Variants in HSPA4L observed in about 807,000 individuals in gnomAD.
HSPA4L encodes the protein heat shock 70 kDa protein 4L.
HSPA4L carries 48 observed loss-of-function variants against 100.3 expected under a neutral mutation model. That is an observed-to-expected ratio of 0.48 (90% CI 0.38 to 0.61). HSPA4L has a LOEUF of 0.61. Among genes scored for constraint, HSPA4L ranks in the 20% least tolerant of loss-of-function variants. The pLI, the probability that HSPA4L is intolerant of heterozygous loss-of-function variation, is 0.00. For synonymous variants in HSPA4L, 319 were observed against 328.2 expected (o/e 0.97, Z 0.30); for missense variants, 886 against 988.6 (o/e 0.90, Z 1.39).
At chr4:127,805,364 C>G in intron 9 of HSPA4L, 140 bp downstream of exon 9, 1 of 635,712 alleles carries the variant, frequency 1.6e-6, no homozygotes, top group Non-Finnish European at 2.6e-6. Flanking sequence ...ATAAATAAGT[C>G]TTATGTCTTT....
Position 127,782,534 on chromosome 4 carries a change from G to A in HSPA4L, c.-17G>A, listed in dbSNP as rs748931588. 6.2e-6 allele frequency: 10 copies of A among 1,606,548 alleles called. 1 individual carries two copies. The South Asian group carries it at 1.1e-4, about 18-fold the overall frequency. On this transcript the variant is annotated 5_prime_UTR_variant, in exon 1 of 19. Coordinates refer to ENST00000296464, the MANE Select transcript of HSPA4L (RefSeq NM_014278.4). ...CCGAAGGGTTCAGTACCAGCAGCCC[G>A]ACCATCACGCGGCGGGATGTCTGTG... is the stretch of plus-strand genomic sequence containing the variant.
At chr4:127,783,827 A>G in intron 1 of HSPA4L, 1 of 671,738 alleles carries the variant, frequency 1.5e-6, no homozygotes, top group Non-Finnish European at 2.4e-6. Context: ...AAGATGTTGA[A>G]GAGTAGCTCA....
chr4:127,836,747 C>G lies in HSPA4L; in HGVS notation c.*3873C>G, dbSNP rs1366686066. 6.6e-6 allele frequency: 1 copy of G among 152,070 alleles called. No individual in the cohort carries two copies. The highest frequency in any genetic ancestry group is 1.5e-5 in the Non-Finnish European group (1 of 68,012). 9.4% of individuals were successfully genotyped at this position (152,070 alleles called of 1,614,324 possible). On this transcript the variant is annotated 3_prime_UTR_variant, in exon 19 of 19. Coordinates refer to ENST00000296464, the MANE Select transcript of HSPA4L (RefSeq NM_014278.4). ...ATTTTGTTTTCACCCTAAATACATA[C>G]AACCATTCCTCCACTTTCATAAATT...
chr4:127,831,264 G>A (rs548361351), intron 18 of HSPA4L, among the ~76,000 whole-genome samples: 2 of 152,152 alleles, frequency 1.3e-5, no homozygotes, highest in Non-Finnish European at 2.9e-5. Context: ...CTTTGGGGGG[G>A]TTGAGACAGG....
chr4:127,781,992 C>T, upstream of HSPA4L: 1 of 448,586 alleles, frequency 2.2e-6, no homozygotes, highest in South Asian at 1.6e-5. Context: ...CCCGGGCCGG[C>T]CGGTCGCCTG....
At chr4:127,782,981 G>A (rs1732609338) in intron 1 of HSPA4L, among the ~76,000 whole-genome samples, 1 of 152,164 alleles carries the variant, frequency 6.6e-6, no homozygotes. Context: ...GTTGCTGTGG[G>A]ACAGCCCCTG....
intron 16 of HSPA4L, among the ~76,000 whole-genome samples, chr4:127,826,619 G>A (rs901247873): frequency 8.5e-5 from 13 of 152,158 alleles, no homozygotes; most frequent in South Asian, 4.1e-4. Flanking sequence ...ATAGAGAAGC[G>A]TCTGGTGCTT....
chr4:127,808,143 A>T lies in HSPA4L; in HGVS notation c.1378+14A>T. The T allele has an allele frequency of 6.3e-7, 1 of 1,581,186 alleles. No individual in the cohort carries two copies. Among genetic ancestry groups the T allele is most frequent in the East Asian group, 2.3e-5 (1 of 44,434 alleles). On this transcript the variant is annotated intron_variant, in intron 11 of 18. Transcript: ENST00000296464. ...ATGCAAGAATTGGTAAGATAAAAAA[A>T]AGTTCTCCATAACATTTTGGCCTTT...
At chr4:127,781,823 G>A (rs1431577651), upstream of HSPA4L, 5 of 260,348 alleles carry the variant, frequency 1.9e-5, no homozygotes, top group Non-Finnish European at 3.1e-5. Flanking sequence ...GGCTGCACAT[G>A]GGCCCCTCGG....
intron 11 of HSPA4L, chr4:127,809,500 G>A: frequency 2.0e-6 from 2 of 976,628 alleles, no homozygotes; most frequent in South Asian, 1.3e-5. Context: ...TGATGGAAAA[G>A]AGACTTTGTA....
At position 127,820,434 on chromosome 4, in the gene HSPA4L, G is replaced by A; in HGVS notation, c.1681G>A (p.Val561Ile). Residue 561 changes from valine to isoleucine, a missense_variant, in exon 14 of 19, where the codon GTC becomes ATC. By Grantham distance (29) the Val-to-Ile change is conservative. Coordinates refer to ENST00000296464, the MANE Select transcript of HSPA4L (RefSeq NM_014278.4). ...TTCTCTTTCGGATTTGCAGTCAGCTGTCTCAGACAAACAAGACCGATTAAA... is the reference window on the plus strand; with the variant it reads ...TTCTCTTTCGGATTTGCAGTCAGCTATCTCAGACAAACAAGACCGATTAAA... Reference protein sequence around the residue: ...DHTGAKTKSAVSDKQDRLNQT... With the variant: ...DHTGAKTKSAISDKQDRLNQT... 6.3e-7 allele frequency: 1 copy of A among 1,590,474 alleles called. No homozygotes were observed. The highest frequency in any genetic ancestry group is 1.2e-5 in the South Asian group (1 of 85,242).
intron 1 of HSPA4L, among the ~76,000 whole-genome samples, chr4:127,791,510 A>G (rs1281139100): frequency 1.3e-5 from 2 of 152,204 alleles, no homozygotes; most frequent in Non-Finnish European, 2.9e-5. Context: ...GCCACATTTC[A>G]TGTGCATAAT....
rs536426947 is a variant in HSPA4L at position 127,804,103 on chromosome 4, T to C, written c.985+16T>C. Reference sequence around the variant, plus strand: ...GAACAAGCTAGTAAGTGGAAATTACTGGACTATCAAAACTGTACCATAATG... The same window carrying C: ...GAACAAGCTAGTAAGTGGAAATTACCGGACTATCAAAACTGTACCATAATG... On this transcript the variant is annotated intron_variant, in intron 8 of 18. Coordinates refer to ENST00000296464, the MANE Select transcript of HSPA4L (RefSeq NM_014278.4). 7 of 1,603,860 alleles carry C rather than the reference T, an allele frequency of 4.4e-6. No individual in the cohort carries two copies. In the South Asian group the frequency reaches 6.6e-5, roughly 15 times the overall value.
At chr4:127,819,108 A>C (rs942127175) in intron 13 of HSPA4L, among the ~76,000 whole-genome samples, 1 of 152,184 alleles carries the variant, frequency 6.6e-6, no homozygotes, top group Non-Finnish European at 1.5e-5. Flanking sequence ...GCTGTACTCT[A>C]TATCTCAGAA....
chr4:127,782,634 T>G lies in HSPA4L; in HGVS notation c.84T>G (p.Asn28Lys). The change falls in exon 1 of 19, where the codon AAT becomes AAG. Residue 28 changes from asparagine (N) to lysine (K), a missense_variant. Coordinates refer to ENST00000296464, the MANE Select transcript of HSPA4L (RefSeq NM_014278.4). ...ARSGGIETIA[N>K]EYSDRCTPAC... Reference sequence around the variant, plus strand: ...GTGGCGGCATCGAGACCATCGCCAATGAGTACAGCGACAGGTGTACCCCGT... The same window carrying G: ...GTGGCGGCATCGAGACCATCGCCAAGGAGTACAGCGACAGGTGTACCCCGT... 6.2e-7 allele frequency: 1 copy of G among 1,613,752 alleles called. No individual in the cohort carries two copies. Among genetic ancestry groups the G allele is most frequent in the Non-Finnish European group, 8.5e-7 (1 of 1,179,842 alleles).
intron 17 of HSPA4L, among the ~76,000 whole-genome samples, chr4:127,830,003 A>G (rs1346003424): frequency 1.3e-5 from 2 of 151,926 alleles, no homozygotes; most frequent in African/African-American, 2.4e-5. Context: ...TTCTTCATAT[A>G]TATAGCTTTA....
rs1395646919 is a variant in HSPA4L, at chr4:127,840,617, T to C, written c.*7743T>C. On this transcript the variant is annotated 3_prime_UTR_variant, in exon 19 of 19. Coordinates refer to ENST00000296464, the MANE Select transcript of HSPA4L (RefSeq NM_014278.4). The stretch of plus-strand genomic sequence containing the variant: ...TAAAATATTTTCTATGTAAGTAAAT[T>C]GCATCTTTATGCTAGTGAACAAAGT... 6.6e-6 allele frequency: 1 copy of C among 152,256 alleles called. No individual in the cohort carries two copies. The highest frequency in any genetic ancestry group is 1.5e-5 in the Non-Finnish European group (1 of 68,042). 9.4% of individuals were successfully genotyped at this position (152,256 alleles called of 1,614,324 possible).
intron 1 of HSPA4L, among the ~76,000 whole-genome samples, chr4:127,790,993 C>T (rs931277983): frequency 1.3e-5 from 2 of 151,904 alleles, no homozygotes; most frequent in Non-Finnish European, 1.5e-5. Flanking sequence ...CCTAGTTGCT[C>T]AGGAGGCTGA....
chr4:127,830,501 G>A (rs550746596), intron 17 of HSPA4L, 137 bp from the exon 18 acceptor site: 21 of 553,080 alleles, frequency 3.8e-5, no homozygotes, highest in African/African-American at 1.2e-4. Context: ...TGTGTTATTC[G>A]TATGGGGTTT....
Sources: gnomAD v4.1 joint callset for allele counts (sites outside exome capture counted in the v4.1 genomes callset) on GRCh38, gnomAD v4.1.1 for gene constraint, MANE v1.5 for transcripts, NCBI Gene and HGNC (gene_info 2026-07-23, HGNC 2026-07-21) for gene names.